SUCLG2: variants seen among roughly 807,000 people sequenced by gnomAD.
The protein encoded by SUCLG2 is succinate-CoA ligase GDP-forming subunit beta.
SUCLG2 carries 42 observed loss-of-function variants against 47.9 expected under a neutral mutation model. The ratio of observed to expected loss-of-function variants is 0.88; its 90% CI spans 0.69 to 1.14. The LOEUF is 1.14. Ranked by LOEUF, SUCLG2 falls within the 50% of genes most tolerant of loss-of-function variation. SUCLG2 has a pLI of 0.00. For synonymous variants in SUCLG2, 195 were observed against 197.3 expected (o/e 0.99, Z 0.10); for missense variants, 571 against 525.9 (o/e 1.09, Z -0.84).
intron 1 of SUCLG2, among the ~76,000 whole-genome samples, chr3:67,644,749 A>G (rs1357701346): frequency 6.6e-6 from 1 of 152,058 alleles, no homozygotes; most frequent in African/African-American, 2.4e-5. Context: ...TATCTTTAGA[A>G]GCTTTGGAAA....
At chr3:67,550,887 A>G (rs183924152) in intron 2 of SUCLG2, among the ~76,000 whole-genome samples, 3 of 148,812 alleles carry the variant, frequency 2.0e-5, no homozygotes, top group Admixed American at 2.0e-4. Context: ...AAGAGTTACT[A>G]TGAGTATTAA....
At chr3:67,539,094 T>C (rs896219187) in intron 2 of SUCLG2, among the ~76,000 whole-genome samples, 2 of 152,224 alleles carry the variant, frequency 1.3e-5, no homozygotes, top group East Asian at 1.9e-4. Context: ...TCTAATACTA[T>C]GTTGAATAGG....
chr3:67,367,120 C>G (rs1288893136), intron 10 of SUCLG2, among the ~76,000 whole-genome samples: 1 of 152,000 alleles, frequency 6.6e-6, no homozygotes, highest in Non-Finnish European at 1.5e-5. Context: ...TCTTTGAGAA[C>G]CAGTAACTAA....
chr3:67,564,405 C>T (rs1254699494), intron 2 of SUCLG2, among the ~76,000 whole-genome samples: 1 of 152,108 alleles, frequency 6.6e-6, no homozygotes, highest in Non-Finnish European at 1.5e-5. Flanking sequence ...AGTAATCTAC[C>T]AAAACAGAGA....
chr3:67,486,638 A>G (rs183162369), intron 9 of SUCLG2, among the ~76,000 whole-genome samples: 4 of 152,306 alleles, frequency 2.6e-5, no homozygotes, highest in African/African-American at 7.2e-5. Context: ...AAGCTTATCT[A>G]GCACCTGTAT....
At chr3:67,501,293 G>GGGTA (rs1705489816) in intron 7 of SUCLG2, among the ~76,000 whole-genome samples, 1 of 152,178 alleles carries the variant, frequency 6.6e-6, no homozygotes, top group Non-Finnish European at 1.5e-5. Flanking sequence ...TTTACTTAGT[G>GGGTA]GGTAAGGGAA....
At chr3:67,552,126 G>A (rs974747222) in intron 2 of SUCLG2, among the ~76,000 whole-genome samples, 2 of 108,640 alleles carry the variant, frequency 1.8e-5, no homozygotes, top group African/African-American at 3.4e-5. Context: ...TTAAAATGGA[G>A]AAAACACTTG....
intron 2 of SUCLG2, among the ~76,000 whole-genome samples, chr3:67,588,735 G>A (rs551330661): frequency 6.6e-6 from 1 of 152,204 alleles, no homozygotes; most frequent in South Asian, 2.1e-4. Context: ...TACTTGCCAG[G>A]AGCACCAATG....
chr3:67,498,075 A>C (rs573440987), intron 8 of SUCLG2, 59 bp downstream of exon 8: 12 of 1,495,874 alleles, frequency 8.0e-6, no homozygotes, highest in Non-Finnish European at 1.1e-5. Flanking sequence ...TCAGAAATCA[A>C]GGTTTCCTAA....
intron 2 of SUCLG2, among the ~76,000 whole-genome samples, chr3:67,598,715 C>T (rs1315234070): frequency 6.6e-6 from 1 of 152,202 alleles, no homozygotes; most frequent in African/African-American, 2.4e-5. Context: ...GTGGAACACA[C>T]TATTTACCGT....
chr3:67,545,319 T>C (rs1436677117), intron 2 of SUCLG2, among the ~76,000 whole-genome samples: 1 of 152,176 alleles, frequency 6.6e-6, no homozygotes, highest in African/African-American at 2.4e-5. Flanking sequence ...AAGTGGTCAA[T>C]GACATGCTGG....
intron 10 of SUCLG2, among the ~76,000 whole-genome samples, chr3:67,391,174 C>A (rs1702372022): frequency 6.6e-6 from 1 of 152,302 alleles, no homozygotes; most frequent in East Asian, 1.9e-4. Flanking sequence ...TCTTACAAAT[C>A]TCTCTAACAT....
intron 9 of SUCLG2, among the ~76,000 whole-genome samples, chr3:67,493,913 G>A (rs928662630): frequency 1.3e-5 from 2 of 152,198 alleles, no homozygotes; most frequent in Non-Finnish European, 2.9e-5. Flanking sequence ...TGGAAACATT[G>A]TTCTTTTTGC....
At chr3:67,463,814 A>G (rs1384058671) in intron 9 of SUCLG2, among the ~76,000 whole-genome samples, 1 of 152,238 alleles carries the variant, frequency 6.6e-6, no homozygotes, top group East Asian at 1.9e-4. Context: ...AAAGAGAAAG[A>G]AAGTGTCATC....
At position 67,374,820 on chromosome 3, in the gene SUCLG2, G is replaced by C. The variant is rs1192455865; in HGVS notation, c.*924C>G. On this transcript the variant is annotated 3_prime_UTR_variant, in exon 11 of 11. Coordinates refer to ENST00000307227, the MANE Select transcript of SUCLG2 (RefSeq NM_003848.4). ...CAAATCCTTTCCCACAACAAAATTG[G>C]ACATCATGGAAAAAAAAAACACATT... 2 of 957,814 alleles carry C rather than the reference G, an allele frequency of 2.1e-6. No homozygotes were observed. Among genetic ancestry groups the C allele is most frequent in the Non-Finnish European group, 2.4e-6 (2 of 817,902 alleles). The allele number at this position is 957,814 out of a possible 1,614,324, so 59.3% of individuals were successfully genotyped here. A position where few individuals can be genotyped will look rare whatever the true frequency, so the allele number is the denominator to read the frequency against.
intron 10 of SUCLG2, among the ~76,000 whole-genome samples, chr3:67,393,038 C>T (rs1702427859): frequency 6.6e-6 from 1 of 152,140 alleles, no homozygotes; most frequent in Admixed American, 6.5e-5. Context: ...TTGGGGAAGG[C>T]AGCCAAGATG....
chr3:67,586,068 T>A (rs193011289), intron 2 of SUCLG2, among the ~76,000 whole-genome samples: 229 of 151,952 alleles, frequency 1.5e-3, no homozygotes, highest in Non-Finnish European at 2.6e-3. Flanking sequence ...AAAATAATGC[T>A]GACATCAACC....
At chr3:67,481,305 C>A (rs772251998) in intron 9 of SUCLG2, among the ~76,000 whole-genome samples, 24 of 152,330 alleles carry the variant, frequency 1.6e-4, no homozygotes, top group Admixed American at 1.4e-3. Flanking sequence ...ATGGGTCCAA[C>A]CACACACTTT....
At position 67,374,988 on chromosome 3, in the gene SUCLG2, A is replaced by G; in HGVS notation, c.*756T>C. ...TCATCTTGAAATATCTTAATAACAG[A>G]GATTTCCATAAGAATCAGGATTCAT... On this transcript the variant is annotated 3_prime_UTR_variant, in exon 11 of 11. Transcript: ENST00000307227. 1.0e-6 allele frequency: 1 copy of G among 985,840 alleles called. No individual in the cohort carries two copies. The highest frequency in any genetic ancestry group is 1.2e-6 in the Non-Finnish European group (1 of 829,928). 61.1% of individuals were successfully genotyped at this position (985,840 alleles called of 1,614,324 possible).
Sources: gnomAD v4.1 joint callset for allele counts (sites outside exome capture counted in the v4.1 genomes callset) on GRCh38, gnomAD v4.1.1 for gene constraint, MANE v1.5 for transcripts, NCBI Gene and HGNC (gene_info 2026-07-23, HGNC 2026-07-21) for gene names.